The following NAV2 variants were observed in gnomAD, a reference collection of about 807,000 sequenced individuals.
NAV2 encodes helicase, APC down-regulated 1.
In NAV2, 54 loss-of-function variants were observed where a neutral mutation model predicts 223.2. The ratio of observed to expected loss-of-function variants is 0.24; its 90% CI spans 0.19 to 0.30. The LOEUF is 0.30. NAV2 is among the 10% of genes least tolerant of loss of function. NAV2 has a pLI of 1.00. For synonymous variants in NAV2, 1,279 were observed against 1,239.3 expected, an observed-to-expected ratio of 1.03 and a Z score of -0.67; for missense variants, 2,806 against 3,147.5, an observed-to-expected ratio of 0.89 and a Z score of 2.60.
chr11:19,979,456 C>T (rs908302793), intron 10 of NAV2, among the ~76,000 whole-genome samples: 1 of 152,142 alleles, frequency 6.6e-6, no homozygotes, highest in Non-Finnish European at 1.5e-5. Flanking sequence ...TCTGAACATA[C>T]CTTCCCCTCT....
At chr11:19,955,333 C>T (rs1477818621) in intron 10 of NAV2, among the ~76,000 whole-genome samples, 2 of 151,844 alleles carry the variant, frequency 1.3e-5, no homozygotes, top group Non-Finnish European at 2.9e-5. Context: ...GAGGCTGCAG[C>T]GAGCTGTGAT....
In NAV2 at chr11:20,048,826, A is replaced by T; in HGVS notation, c.4001A>T (p.Gln1334Leu). The T allele has an allele frequency of 2.5e-6, 4 of 1,614,180 alleles. No homozygotes were observed. In the South Asian group the frequency reaches 4.4e-5, roughly 18 times the overall value. Residue 1334 changes from glutamine to leucine, a missense_variant, in exon 15 of 38, where the codon CAG (glutamine) becomes CTG (leucine). Gln to Leu is a moderately radical substitution (Grantham distance 113). Coordinates refer to ENST00000349880, the MANE Select transcript of NAV2 (RefSeq NM_145117.5). ...VISNPHATMT[Q>L]QGNLDSPSGS... is the part of the protein sequence containing the mutation. ...TCCAATCCTCATGCCACCATGACTC[A>T]GCAAGGTAACCTAGACTCCCCGTCA...
rs190996236 is a variant in NAV2, at chr11:19,680,084, G to T, written c.76-152400G>T. On this transcript the variant is annotated intron_variant, in intron 1 of 37. Coordinates refer to the NAV2 transcript ENST00000360655. The stretch of plus-strand genomic sequence containing the variant: ...CTTGAATGAGAATAGAGAGAAATCA[G>T]ATTGGAAAAGAGGAGGGCTCCAGAA... 2.0e-5 allele frequency among the ~76,000 whole-genome samples: 3 copies of T among 152,296 alleles called. No individual in the cohort carries two copies. In the East Asian group the frequency reaches 5.8e-4, roughly 29 times the overall value.
At chr11:20,105,456 G>A (rs1328596342) in intron 34 of NAV2, 75 bp from the exon 35 acceptor site, 5 of 1,255,324 alleles carry the variant, frequency 4.0e-6, no homozygotes, top group Non-Finnish European at 4.6e-6. Context: ...TGTTTCTAAC[G>A]TGCTTTGGTT....
chr11:19,704,495 A>C (rs928640790), intron 1 of NAV2, among the ~76,000 whole-genome samples: 1 of 152,220 alleles, frequency 6.6e-6, no homozygotes, highest in African/African-American at 2.4e-5. Flanking sequence ...GTAGGATCTT[A>C]AGTAAGATAC....
chr11:19,862,240 GGAAAGC>G (rs1455166703), intron 3 of NAV2, among the ~76,000 whole-genome samples: 1 of 152,154 alleles, frequency 6.6e-6, no homozygotes, highest in African/African-American at 2.4e-5. Context: ...ACAACATCTT[GGAAAGC>G]TGAAGTTATA....
chr11:19,646,698 C>T (rs2047825035), intron 1 of NAV2, among the ~76,000 whole-genome samples: 1 of 152,122 alleles, frequency 6.6e-6, no homozygotes, highest in Non-Finnish European at 1.5e-5. Flanking sequence ...CAAATAGCAT[C>T]TATACTCCAG....
At chr11:19,804,122 A>ATG (rs2058420190) in intron 1 of NAV2, among the ~76,000 whole-genome samples, 1 of 151,920 alleles carries the variant, frequency 6.6e-6, no homozygotes, top group South Asian at 2.1e-4. Flanking sequence ...GTGTGTGTGT[A>ATG]TGTGTGTGTG....
rs78537647 is a variant in NAV2, at chr11:19,636,356, C to G, written c.76-196128C>G. Among the ~76,000 whole-genome samples, 392 of 152,270 alleles carry G rather than the reference C, an allele frequency of 2.6e-3. 3 individuals carry two copies. The highest frequency in any genetic ancestry group is 7.4e-3 in the African/African-American group (306 of 41,544). ...ATACTCAAACCACCTTCTGGAAGGC[C>G]CTGCCTGTAACTTAAGGGCTCATCA... On this transcript the variant is annotated intron_variant, in intron 1 of 37. Coordinates refer to the NAV2 transcript ENST00000360655.
intron 1 of NAV2, among the ~76,000 whole-genome samples, chr11:19,611,897 G>C (rs1370617567): frequency 6.6e-6 from 1 of 152,228 alleles, no homozygotes; most frequent in African/African-American, 2.4e-5. Context: ...CTGTGTGGGG[G>C]ATCCCACCCA....
At chr11:19,573,422 G>A (rs1831358099) in intron 1 of NAV2, among the ~76,000 whole-genome samples, 1 of 152,248 alleles carries the variant, frequency 6.6e-6, no homozygotes, top group East Asian at 1.9e-4. Context: ...TTTCTCCAGC[G>A]CTCAGCACAC....
chr11:19,753,136 A>G (rs545774755), intron 1 of NAV2, among the ~76,000 whole-genome samples: 5 of 152,304 alleles, frequency 3.3e-5, no homozygotes, highest in South Asian at 2.1e-4. Flanking sequence ...AGAACTGAGA[A>G]ATGAATGTTT....
chr11:19,627,513 G>A (rs1372138792), intron 1 of NAV2, among the ~76,000 whole-genome samples: 3 of 152,132 alleles, frequency 2.0e-5, no homozygotes, highest in Admixed American at 6.5e-5. Context: ...AGCCAGAGAA[G>A]CTGCAATTTT....
intron 1 of NAV2, among the ~76,000 whole-genome samples, chr11:19,676,475 C>T (rs1444447051): frequency 1.5e-5 from 1 of 68,430 alleles, no homozygotes; most frequent in South Asian, 5.2e-4. Context: ...CTCCTTACCT[C>T]TCCCTGAAAA....
rs961180582 is a variant in NAV2, at chr11:19,865,508, C to G, written c.439-3417C>G. On this transcript the variant is annotated intron_variant, in intron 3 of 37. Coordinates refer to ENST00000349880, the MANE Select transcript of NAV2 (RefSeq NM_145117.5). Reference sequence around the variant, plus strand: ...CCCCATTCTGCTTCCCAGCCTCACTCTCTTCCTGGGGTGCAGATGAAAGAG... The same window carrying G: ...CCCCATTCTGCTTCCCAGCCTCACTGTCTTCCTGGGGTGCAGATGAAAGAG... 3.9e-5 allele frequency among the ~76,000 whole-genome samples: 6 copies of G among 152,326 alleles called. No individual in the cohort carries two copies. In the East Asian group the frequency reaches 1.2e-3, roughly 29 times the overall value.
chr11:19,467,984 G>A (rs1260671711), intron 1 of NAV2, among the ~76,000 whole-genome samples: 1 of 152,208 alleles, frequency 6.6e-6, no homozygotes, highest in Non-Finnish European at 1.5e-5. Context: ...GTCTTCCAGT[G>A]GGAGGTGGGC....
chr11:19,585,589 C>T (rs1388098987), intron 1 of NAV2, among the ~76,000 whole-genome samples: 1 of 152,202 alleles, frequency 6.6e-6, no homozygotes, highest in Non-Finnish European at 1.5e-5. Context: ...GACAAAATCT[C>T]TCAACATTTG....
chr11:19,818,212 C>G (rs1056653506), intron 1 of NAV2, among the ~76,000 whole-genome samples: 61 of 148,714 alleles, frequency 4.1e-4, no homozygotes, highest in African/African-American at 1.5e-3. Flanking sequence ...TTTCCTGTCC[C>G]ACCTGTGTGT....
At chr11:19,722,975 C>G (rs1207393887) in intron 1 of NAV2, among the ~76,000 whole-genome samples, 2 of 152,218 alleles carry the variant, frequency 1.3e-5, no homozygotes, top group Non-Finnish European at 2.9e-5. Context: ...TCTCTGGCTG[C>G]TGCGATGGAA....
Sources: allele counts gnomAD v4.1 joint callset (sites outside exome capture counted in the v4.1 genomes callset), GRCh38; gene constraint gnomAD v4.1.1; transcripts MANE v1.5; gene names NCBI Gene and HGNC (gene_info 2026-07-23, HGNC 2026-07-21).